Variants in ANKLE2 observed in about 807,000 individuals in gnomAD.
ANKLE2 encodes the protein ankyrin repeat and LEM domain-containing protein 2.
A neutral mutation model predicts 84.2 loss-of-function variants in ANKLE2; 55 were observed. The ratio of observed to expected loss-of-function variants is 0.65; its 90% CI spans 0.53 to 0.82. The LOEUF (loss-of-function observed/expected upper bound fraction) is 0.82. Ranked by LOEUF, ANKLE2 falls within the 40% of genes least tolerant of loss-of-function variation. The pLI, the probability that ANKLE2 is intolerant of heterozygous loss-of-function variation, is 0.00. For synonymous variants in ANKLE2, 551 were observed against 486.1 expected (o/e 1.13, Z -1.76); for missense variants, 1,238 against 1,201.9 (o/e 1.03, Z -0.44).
At chr12:132,761,513 A>G in intron 1 of ANKLE2, 105 bp downstream of exon 1, 5 of 1,011,088 alleles carry the variant, frequency 4.9e-6, no homozygotes, top group Non-Finnish European at 6.3e-6. Context: ...GCCTCGCCCA[A>G]CTGCTGCCGG....
At chr12:132,744,289 G>A (rs2044189195) in intron 5 of ANKLE2, among the ~76,000 whole-genome samples, 2 of 152,168 alleles carry the variant, frequency 1.3e-5, no homozygotes, top group Admixed American at 1.3e-4. Context: ...CCACTGCACC[G>A]TGTAGAAAAC....
chr12:132,749,194 C>T (rs964429156), intron 3 of ANKLE2, among the ~76,000 whole-genome samples: 15 of 151,566 alleles, frequency 9.9e-5, no homozygotes, highest in South Asian at 2.1e-4. Flanking sequence ...TTTGCTCTTT[C>T]GCCCAGGCTG....
At position 132,734,481 on chromosome 12, in the gene ANKLE2, G is replaced by C; in HGVS notation, c.1795C>G (p.Leu599Val). 1 of 1,614,080 alleles carries C rather than the reference G, an allele frequency of 6.2e-7. No homozygotes were observed. Among genetic ancestry groups the C allele is most frequent in the Non-Finnish European group, 8.5e-7 (1 of 1,180,022 alleles). Residue 599 changes from leucine (L) to valine (V), a missense_variant, in exon 10 of 13, where the codon CTA (leucine) becomes GTA (valine). Leu to Val is a conservative substitution (Grantham distance 32, BLOSUM62 1). Transcript: ENST00000357997. ...TCCTGCTGTGTGAGATATTCTTCTA[G>C]TCTTTGCAGGCCTTCCTGGGAAGAC... Reference protein sequence around the residue: ...DLSSQEGLQRLEEYLTQQEIG... With the variant: ...DLSSQEGLQRVEEYLTQQEIG...
chr12:132,735,449 C>T lies in ANKLE2; in HGVS notation c.1657G>A (p.Val553Ile), dbSNP rs2043988372. ...CCTCTTTCCGGGTCCGACTTCTTGA[C>T]GTGGTGAAGGAAGCCTGCTTTCTCT... ...PREKAGFLHH[V>I]KKSDPERGFE... The change falls in exon 9 of 13, where the codon GTC becomes ATC. Residue 553 changes from valine (V) to isoleucine (I), a missense_variant. Physicochemically the swap from Val to Ile is conservative, Grantham distance 29. Coordinates refer to ENST00000357997, the MANE Select transcript of ANKLE2 (RefSeq NM_015114.3). 3.1e-6 allele frequency: 5 copies of T among 1,614,054 alleles called. No homozygotes were observed. Among genetic ancestry groups the T allele is most frequent in the Non-Finnish European group, 3.4e-6 (4 of 1,180,014 alleles).
At chr12:132,745,741 C>A in intron 5 of ANKLE2, 2 of 186,550 alleles carry the variant, frequency 1.1e-5, no homozygotes, top group South Asian at 1.1e-4. Flanking sequence ...CGTCGGATCC[C>A]GCACCTCTCT....
chr12:132,757,365 G>C (rs2044508719), intron 1 of ANKLE2: 2 of 152,386 alleles, frequency 1.3e-5, no homozygotes, highest in South Asian at 2.1e-4. Flanking sequence ...CAGACTCTAT[G>C]AGCCAAAGGC....
chr12:132,732,371 T>C (rs114839042), intron 10 of ANKLE2, among the ~76,000 whole-genome samples: 12,167 of 43,334 alleles, frequency 0.28, 1,245 homozygotes, highest in East Asian at 0.48. Context: ...TGATACGCAC[T>C]GTGAAGCGCT....
At chr12:132,747,551 G>A (rs145137358) in intron 5 of ANKLE2, among the ~76,000 whole-genome samples, 10 of 152,254 alleles carry the variant, frequency 6.6e-5, no homozygotes, top group Admixed American at 1.3e-4. Flanking sequence ...TGTCCTGTTC[G>A]GCAGAGGAAA....
At chr12:132,731,374 G>A (rs900490654) in intron 10 of ANKLE2, 2 of 152,206 alleles carry the variant, frequency 1.3e-5, no homozygotes, top group South Asian at 4.1e-4. Context: ...CACAGGTCGT[G>A]ACTGTTGAAG....
chr12:132,751,659 C>T (rs1276424572), intron 2 of ANKLE2, among the ~76,000 whole-genome samples: 1 of 151,964 alleles, frequency 6.6e-6, no homozygotes, highest in Non-Finnish European at 1.5e-5. Context: ...TCTCCCGTCT[C>T]AGCCTCCCGT....
chr12:132,745,883 T>C (rs1197830203), intron 5 of ANKLE2, among the ~76,000 whole-genome samples: 1 of 152,218 alleles, frequency 6.6e-6, no homozygotes, highest in Non-Finnish European at 1.5e-5. Context: ...GTCCTGCCCA[T>C]CCACAAGGAG....
Position 132,761,611 on chromosome 12 carries a change from G to A in ANKLE2, c.181+7C>T. ...GTGCGGGGACCCAGCGACCGCCTGG[G>A]CCTTACCTGAGGCGGGGGCGGCGGC... On this transcript the variant is annotated splice_region_variant and intron_variant, in intron 1 of 12. Coordinates refer to ENST00000357997, the MANE Select transcript of ANKLE2 (RefSeq NM_015114.3). 1 of 1,244,006 alleles carries A rather than the reference G, an allele frequency of 8.0e-7. No homozygotes were observed. The highest frequency in any genetic ancestry group is 3.0e-5 in the South Asian group (1 of 32,792). The allele number at this position is 1,244,006 out of a possible 1,614,324, so 77.1% of individuals were successfully genotyped here.
intron 2 of ANKLE2, among the ~76,000 whole-genome samples, chr12:132,754,358 T>G (rs553317455): frequency 6.6e-6 from 1 of 152,342 alleles, no homozygotes; most frequent in South Asian, 2.1e-4. Context: ...CAGGTTACAC[T>G]GCATTTTAAA....
rs2044442025 is a variant in ANKLE2, at chr12:132,754,841, AC to A, written c.473del (p.Gly158ValfsTer6). The A allele has an allele frequency of 3.7e-6, 6 of 1,614,104 alleles. No homozygotes were observed. The highest frequency in any genetic ancestry group is 5.1e-6 in the Non-Finnish European group (6 of 1,180,022). On this transcript the variant is annotated frameshift_variant, in exon 2 of 13. Transcript: ENST00000357997. LOFTEE classifies it high-confidence loss of function. ...CTGGAGGATTCAGGCCCACACTGTAACCAAAATCTCTGTCTTCAGAAAAACC... is the reference window on the plus strand; with the variant it reads ...CTGGAGGATTCAGGCCCACACTGTAACAAAATCTCTGTCTTCAGAAAAACC... ...QAGFSEDRDF[G>X]YSVGLNPPEE...
intron 5 of ANKLE2, 37 bp downstream of exon 5, chr12:132,747,790 CCAATT>C: frequency 6.4e-7 from 1 of 1,566,452 alleles, no homozygotes; most frequent in Non-Finnish European, 8.6e-7. Flanking sequence ...AGACTTTTAA[CCAATT>C]AAATAAAGAA....
chr12:132,748,797 A>G (rs984914804), intron 3 of ANKLE2: 19 of 176,856 alleles, frequency 1.1e-4, no homozygotes, highest in African/African-American at 3.8e-4. Context: ...CCTGGGCTCA[A>G]GTGATCTCAG....
rs61951283 is a variant in ANKLE2 at position 132,747,620 on chromosome 12, A to G, written c.1230+212T>C. On this transcript the variant is annotated intron_variant, in intron 5 of 12. Transcript: ENST00000357997. ...GACACCCTCGGGGACAGCATCGCAC[A>G]CACGACGACAATGCAGGGGCCAGGG... 0.047 allele frequency among the ~76,000 whole-genome samples: 7,180 copies of G among 152,286 alleles called. 293 individuals are homozygous for G. Among genetic ancestry groups the G allele is most frequent in the Admixed American group, 0.12 (1,895 of 15,294 alleles).
intron 6 of ANKLE2, chr12:132,741,960 A>G (rs985741303): frequency 5.2e-5 from 21 of 401,190 alleles, no homozygotes; most frequent in Admixed American, 3.0e-4. Flanking sequence ...GCCCTTGAAG[A>G]ATTGCAGCAA....
chr12:132,750,580 G>T, intron 3 of ANKLE2, 63 bp downstream of exon 3: 1 of 1,568,056 alleles, frequency 6.4e-7, no homozygotes, highest in East Asian at 2.2e-5. Context: ...AGGAAAGAAG[G>T]CACAAAACAG....
Sources: gnomAD v4.1 joint callset for allele counts (sites outside exome capture counted in the v4.1 genomes callset) on GRCh38, gnomAD v4.1.1 for gene constraint, MANE v1.5 for transcripts, NCBI Gene and HGNC (gene_info 2026-07-23, HGNC 2026-07-21) for gene names.